Variants in MBD5 observed in about 807,000 individuals in gnomAD.
MBD5 encodes the protein methyl-CpG binding domain protein 5, also known as methyl-CpG-binding domain protein 5.
A neutral mutation model predicts 117.3 loss-of-function variants in MBD5; 13 were observed. The ratio of observed to expected loss-of-function variants is 0.11; its 90% CI spans 0.07 to 0.18. MBD5 has a LOEUF of 0.18. Among genes scored for constraint, MBD5 ranks in the 10% least tolerant of loss-of-function variants. The pLI is 1.00. For synonymous variants in MBD5, 727 were observed against 766.4 expected (o/e 0.95, Z 0.85); for missense variants, 1,879 against 2,093.8 (o/e 0.90, Z 2.00).
chr2:148,333,123 TTA>T (rs1702701571), intron 3 of MBD5, among the ~76,000 whole-genome samples: 1 of 152,210 alleles, frequency 6.6e-6, no homozygotes, highest in Admixed American at 6.5e-5. Context: ...AGTTCTTCTC[TTA>T]TATGTTAGAA....
At chr2:148,257,350 G>A (rs1458303550) in intron 3 of MBD5, among the ~76,000 whole-genome samples, 2 of 152,204 alleles carry the variant, frequency 1.3e-5, no homozygotes, top group Non-Finnish European at 2.9e-5. Flanking sequence ...TCAATGGAAC[G>A]GTTTTATCAT....
intron 2 of MBD5, among the ~76,000 whole-genome samples, chr2:148,187,037 T>A (rs114797554): frequency 9.1e-4 from 138 of 152,242 alleles, no homozygotes; most frequent in African/African-American, 3.1e-3. Flanking sequence ...ATTAAAAAGA[T>A]CAATAGACTT....
intron 2 of MBD5, among the ~76,000 whole-genome samples, chr2:148,231,969 A>G (rs1489917080): frequency 6.6e-6 from 1 of 152,158 alleles, no homozygotes; most frequent in Non-Finnish European, 1.5e-5. Context: ...TTTTAGCTAG[A>G]CTGGTGAGAG....
At chr2:148,146,962 A>G (rs1281804081) in intron 1 of MBD5, among the ~76,000 whole-genome samples, 8 of 151,970 alleles carry the variant, frequency 5.3e-5, no homozygotes. Flanking sequence ...ATTTCTATTC[A>G]TTTCTTCTGA....
chr2:148,429,235 A>G (rs929059048), intron 4 of MBD5, among the ~76,000 whole-genome samples: 1 of 152,226 alleles, frequency 6.6e-6, no homozygotes, highest in African/African-American at 2.4e-5. Context: ...GCCAACAAAC[A>G]TATGAAAAAA....
intron 2 of MBD5, among the ~76,000 whole-genome samples, chr2:148,209,527 T>C (rs73011205): frequency 0.012 from 1,781 of 152,124 alleles, 38 homozygotes; most frequent in African/African-American, 0.041. Context: ...TTCTTTCTTT[T>C]TTTTTTTTTA....
chr2:148,168,197 A>C (rs945501049), intron 1 of MBD5, among the ~76,000 whole-genome samples: 1 of 152,200 alleles, frequency 6.6e-6, no homozygotes, highest in African/African-American at 2.4e-5. Context: ...ACCATGATTC[A>C]GAAGGAATTT....
At chr2:148,136,544 C>T (rs960529565) in intron 1 of MBD5, among the ~76,000 whole-genome samples, 1 of 152,138 alleles carries the variant, frequency 6.6e-6, no homozygotes, top group Non-Finnish European at 1.5e-5. Flanking sequence ...CCAGAAAAAT[C>T]TTTGGTCATA....
At chr2:148,312,568 C>A (rs1305386940) in intron 3 of MBD5, among the ~76,000 whole-genome samples, 1 of 152,010 alleles carries the variant, frequency 6.6e-6, no homozygotes, top group Non-Finnish European at 1.5e-5. Flanking sequence ...TTTTCAAGGT[C>A]CTTAGCTTCC....
At chr2:148,436,369 T>C (rs917884967) in intron 4 of MBD5, among the ~76,000 whole-genome samples, 1 of 152,094 alleles carries the variant, frequency 6.6e-6, no homozygotes, top group Non-Finnish European at 1.5e-5. Flanking sequence ...TTGTTTTGTT[T>C]TGTTTTGTTT....
intron 4 of MBD5, among the ~76,000 whole-genome samples, chr2:148,351,579 C>CA (rs35460094): frequency 0.73 from 110,115 of 151,866 alleles, 40,719 homozygotes; most frequent in African/African-American, 0.89. Context: ...CACTTGTGTA[C>CA]AATATTAGTG....
chr2:148,449,340 C>T (rs1706657766), intron 4 of MBD5, among the ~76,000 whole-genome samples: 1 of 151,954 alleles, frequency 6.6e-6, no homozygotes, highest in Non-Finnish European at 1.5e-5. Flanking sequence ...GCCTCAACTG[C>T]TTTTTCTTTT....
Position 148,246,244 on chromosome 2 carries a change from C to A in MBD5, c.-680+12849C>A, listed in dbSNP as rs983887726. Among the ~76,000 whole-genome samples the A allele has an allele frequency of 2.0e-5, 3 of 152,144 alleles. No homozygotes were observed. The East Asian group carries it at 5.8e-4, about 29-fold the overall frequency. ...CTTTCAAGTTAGTCAGTTAGTGAGC[C>A]AGAATTCAAATTGGGATTTGTATAT... On this transcript the variant is annotated intron_variant, in intron 3 of 13. Coordinates refer to ENST00000642680, the MANE Select transcript of MBD5 (RefSeq NM_001378120.1).
At chr2:148,435,386 G>A (rs1162667206) in intron 4 of MBD5, among the ~76,000 whole-genome samples, 4 of 152,100 alleles carry the variant, frequency 2.6e-5, no homozygotes, top group African/African-American at 7.2e-5. Flanking sequence ...GGAATGGCTG[G>A]TAACAGTCTT....
chr2:148,145,126 A>G (rs1205157243), intron 1 of MBD5, among the ~76,000 whole-genome samples: 1 of 134,586 alleles, frequency 7.4e-6, no homozygotes, highest in Non-Finnish European at 1.7e-5. Flanking sequence ...TATTTCGTTG[A>G]GCAGTTGTTT....
chr2:148,188,849 G>C (rs1574112008), intron 2 of MBD5, among the ~76,000 whole-genome samples: 1 of 151,776 alleles, frequency 6.6e-6, no homozygotes, highest in African/African-American at 2.4e-5. Context: ...GAGGTACCGG[G>C]TTCATCTCAC....
chr2:148,175,430 T>C (rs1470869438), intron 1 of MBD5, among the ~76,000 whole-genome samples: 1 of 152,180 alleles, frequency 6.6e-6, no homozygotes, highest in African/African-American at 2.4e-5. Context: ...AAACTCTTTG[T>C]ATCATAGAGA....
chr2:148,162,626 T>C (rs1373021320), intron 1 of MBD5, among the ~76,000 whole-genome samples: 1 of 152,188 alleles, frequency 6.6e-6, no homozygotes, highest in Non-Finnish European at 1.5e-5. Context: ...TTAGCAATAG[T>C]GTGTGAGTAA....
intron 1 of MBD5, among the ~76,000 whole-genome samples, chr2:148,047,088 T>G (rs1296938176): frequency 6.6e-6 from 1 of 152,186 alleles, no homozygotes; most frequent in East Asian, 1.9e-4. Context: ...CCTTATCCAC[T>G]GTCTCCCCCA....
Sources: allele counts gnomAD v4.1 joint callset (sites outside exome capture counted in the v4.1 genomes callset), GRCh38; gene constraint gnomAD v4.1.1; transcripts MANE v1.5; gene names NCBI Gene and HGNC (gene_info 2026-07-23, HGNC 2026-07-21).